MIPEP: variants seen among roughly 807,000 people sequenced by gnomAD.
MIPEP encodes the protein mitochondrial intermediate peptidase.
Under a neutral mutation model 90.3 loss-of-function variants are expected in MIPEP, and 79 were observed. The observed-to-expected ratio is 0.87, with a 90% CI of 0.73 to 1.05. The LOEUF (loss-of-function observed/expected upper bound fraction) is 1.05. MIPEP is among the 50% of genes least tolerant of loss of function. MIPEP has a pLI of 0.00. For missense variants in MIPEP, 940 were observed against 905.6 expected (o/e 1.04, Z -0.49); for synonymous variants, 334 against 315.8 (o/e 1.06, Z -0.61).
Position 23,862,339 on chromosome 13 carries a change from A to G in MIPEP, c.1016T>C (p.Ile339Thr). The change falls in exon 9 of 19, where the codon ATA becomes ACA. Residue 339 changes from isoleucine to threonine, a missense_variant. Ile to Thr is a moderately conservative substitution (Grantham distance 89). Coordinates refer to ENST00000382172, the MANE Select transcript of MIPEP (RefSeq NM_005932.4). ...ATTCAGTTTCATTTTCATCCCTCGTATCATCTCAAAATCTTTCAGAGTTCT... is the reference window on the plus strand; with the variant it reads ...ATTCAGTTTCATTTTCATCCCTCGTGTCATCTCAAAATCTTTCAGAGTTCT... ...SERTLKDFEMIRGMKMKLNPQ... is the reference protein window; with the variant it reads ...SERTLKDFEMTRGMKMKLNPQ... 6.3e-7 allele frequency: 1 copy of G among 1,584,432 alleles called. No homozygotes were observed. The highest frequency in any genetic ancestry group is 1.1e-5 in the South Asian group (1 of 87,892).
At chr13:23,830,000 G>T (rs1868659482) in intron 14 of MIPEP, among the ~76,000 whole-genome samples, 1 of 152,166 alleles carries the variant, frequency 6.6e-6, no homozygotes, top group Non-Finnish European at 1.5e-5. Flanking sequence ...TTGCTGAGAG[G>T]AGTATAAATT....
chr13:23,883,745 AC>A (rs1871357644), intron 2 of MIPEP, among the ~76,000 whole-genome samples: 1 of 152,226 alleles, frequency 6.6e-6, no homozygotes, highest in East Asian at 1.9e-4. Flanking sequence ...GGTTGACGAT[AC>A]AGTGAAATTC....
At chr13:23,887,770 C>T (rs549215485) in intron 1 of MIPEP, among the ~76,000 whole-genome samples, 14 of 152,238 alleles carry the variant, frequency 9.2e-5, no homozygotes, top group Non-Finnish European at 1.9e-4. Context: ...GCCTGACAAG[C>T]CCTACTGTTT....
intron 14 of MIPEP, among the ~76,000 whole-genome samples, chr13:23,829,323 T>C (rs1362622150): frequency 6.6e-6 from 1 of 152,036 alleles, no homozygotes; most frequent in Non-Finnish European, 1.5e-5. Context: ...GAGACCAGCC[T>C]GGGAAACACA....
chr13:23,883,332 G>GA (rs1436502197), intron 2 of MIPEP, among the ~76,000 whole-genome samples: 1 of 151,832 alleles, frequency 6.6e-6, no homozygotes, highest in African/African-American at 2.4e-5. Flanking sequence ...CAAAAATGTA[G>GA]AAAAAAATCC....
chr13:23,873,810 G>A lies in MIPEP; in HGVS notation c.603+1036C>T, dbSNP rs773737291. Among the ~76,000 whole-genome samples, 11 of 152,238 alleles carry A rather than the reference G, an allele frequency of 7.2e-5. No individual in the cohort carries two copies. In the South Asian group the frequency reaches 1.2e-3, roughly 17 times the overall value. On this transcript the variant is annotated intron_variant, in intron 5 of 18. Coordinates refer to ENST00000382172, the MANE Select transcript of MIPEP (RefSeq NM_005932.4). The stretch of plus-strand genomic sequence containing the variant: ...AATTGATGTGGAAAGCGGCAAACGT[G>A]GTCACCTTAGGCAATGTGAGTTTAC...
chr13:23,769,610 C>A (rs9553056), intron 16 of MIPEP, among the ~76,000 whole-genome samples: 23,791 of 152,094 alleles, frequency 0.16, 1,987 homozygotes, highest in South Asian at 0.23. Flanking sequence ...TGGGCAGAGG[C>A]TCCATTCCTG....
At chr13:23,860,993 C>T (rs189487986) in intron 9 of MIPEP, among the ~76,000 whole-genome samples, 182 of 152,176 alleles carry the variant, frequency 1.2e-3, no homozygotes, top group Non-Finnish European at 6.8e-4. Context: ...GATTGTGGAG[C>T]TCACCCCAGT....
chr13:23,786,694 A>G (rs976236397), intron 16 of MIPEP, among the ~76,000 whole-genome samples: 3 of 152,204 alleles, frequency 2.0e-5, no homozygotes, highest in African/African-American at 4.8e-5. Flanking sequence ...ATGAATTGCA[A>G]GCACAACTAA....
At chr13:23,801,971 G>C (rs915896588) in intron 16 of MIPEP, among the ~76,000 whole-genome samples, 1 of 151,662 alleles carries the variant, frequency 6.6e-6, no homozygotes, top group African/African-American at 2.4e-5. Flanking sequence ...TTTTTTTCTA[G>C]GTTATATTAG....
At chr13:23,885,912 T>TAA (rs34069993) in intron 2 of MIPEP, among the ~76,000 whole-genome samples, 31,735 of 134,604 alleles carry the variant, frequency 0.24, 3,773 homozygotes, top group East Asian at 0.46. Flanking sequence ...CTGTCTCTAT[T>TAA]AAAAAAAAAA....
chr13:23,806,043 G>C lies in MIPEP; in HGVS notation c.1755C>G (p.Ile585Met). 1 of 1,613,972 alleles carries C rather than the reference G, an allele frequency of 6.2e-7. No homozygotes were observed. Among genetic ancestry groups the C allele is most frequent in the Non-Finnish European group, 8.5e-7 (1 of 1,179,940 alleles). Residue 585 changes from isoleucine to methionine, a missense_variant, in exon 16 of 19, where the codon ATC (isoleucine) becomes ATG (methionine). Transcript: ENST00000382172. ...LQVFYATLDQ[I>M]YHGKHPLRNS... Reference sequence around the variant, plus strand: ...TCCTCAGGGGATGCTTCCCATGGTAGATTTGATCCAGAGTGGCATAAAAGA... The same window carrying C: ...TCCTCAGGGGATGCTTCCCATGGTACATTTGATCCAGAGTGGCATAAAAGA...
intron 18 of MIPEP, 91 bp from the exon 19 acceptor site, chr13:23,730,536 C>T: frequency 1.3e-6 from 1 of 792,508 alleles, no homozygotes; most frequent in South Asian, 1.5e-5. Flanking sequence ...TAGAGGAACA[C>T]TCTGGCTTTC....
chr13:23,764,556 T>C lies in MIPEP; in HGVS notation c.1849-4339A>G, dbSNP rs150659777. Among the ~76,000 whole-genome samples the C allele has an allele frequency of 8.8e-4, 134 of 152,330 alleles. 1 individual carries two copies. The highest frequency in any genetic ancestry group is 3.4e-3 in the Middle Eastern group (1 of 294). On this transcript the variant is annotated intron_variant, in intron 16 of 18. Coordinates refer to ENST00000382172, the MANE Select transcript of MIPEP (RefSeq NM_005932.4). ...CGGAACTAACCATTTCTCCCAATTA[T>C]ACTCTTTTTAAATTTTTTTAGAGAC...
intron 5 of MIPEP, among the ~76,000 whole-genome samples, chr13:23,872,965 A>G (rs188761754): frequency 1.4e-3 from 209 of 152,340 alleles, no homozygotes; most frequent in Non-Finnish European, 1.5e-4. Context: ...GCATTAAAAA[A>G]CATGATCCAC....
intron 11 of MIPEP, 46 bp downstream of exon 11, chr13:23,841,289 C>A: frequency 2.6e-6 from 4 of 1,555,524 alleles, no homozygotes; most frequent in South Asian, 2.5e-5. Flanking sequence ...ACTGCCCAAC[C>A]GAAAGGTAAA....
intron 14 of MIPEP, among the ~76,000 whole-genome samples, chr13:23,810,368 T>G (rs1042464138): frequency 1.3e-5 from 2 of 152,236 alleles, no homozygotes; most frequent in African/African-American, 4.8e-5. Flanking sequence ...GTGTTAAAGC[T>G]AAACTGACAT....
In MIPEP at chr13:23,764,189, T is replaced by C. The variant is rs147111224; in HGVS notation, c.1849-3972A>G. Reference sequence around the variant, plus strand: ...TTTCCTTTTATTACGGTGAGAGACATAGATTTTCAAATCCTATTGCTGTCC... The same window carrying C: ...TTTCCTTTTATTACGGTGAGAGACACAGATTTTCAAATCCTATTGCTGTCC... On this transcript the variant is annotated intron_variant, in intron 16 of 18. Transcript: ENST00000382172. Among the ~76,000 whole-genome samples the C allele has an allele frequency of 1.7e-4, 26 of 152,320 alleles. No homozygotes were observed. In the East Asian group the frequency reaches 3.7e-3, roughly 21 times the overall value.
rs1045999074 is a variant in MIPEP, at chr13:23,789,708, G to T, written c.1848+16242C>A. On this transcript the variant is annotated intron_variant, in intron 16 of 18. Coordinates refer to ENST00000382172, the MANE Select transcript of MIPEP (RefSeq NM_005932.4). ...CATAAAAACAGATCTCACTTTCCAT[G>T]CCCTTCTTGTTGACCCTCAGTTTCT... 3.3e-5 allele frequency among the ~76,000 whole-genome samples: 5 copies of T among 152,174 alleles called. No homozygotes were observed. The East Asian group carries it at 9.6e-4, about 29-fold the overall frequency.
Sources: gnomAD v4.1 joint callset for allele counts (sites outside exome capture counted in the v4.1 genomes callset) on GRCh38, gnomAD v4.1.1 for gene constraint, MANE v1.5 for transcripts, NCBI Gene and HGNC (gene_info 2026-07-23, HGNC 2026-07-21) for gene names.